Variants in ST8SIA1 observed in about 807,000 individuals in gnomAD.
ST8SIA1 encodes ST8 alpha-N-acetyl-neuraminide alpha-2,8-sialyltransferase 1, also known as alpha-N-acetylneuraminide alpha-2,8-sialyltransferase.
In ST8SIA1, 16 loss-of-function variants were observed where a neutral mutation model predicts 35.9. The ratio of observed to expected loss-of-function variants is 0.45; its 90% CI spans 0.30 to 0.68. The LOEUF (loss-of-function observed/expected upper bound fraction) is 0.68. Ranked by LOEUF, ST8SIA1 falls within the 30% of genes least tolerant of loss-of-function variation. The pLI is 0.09. For synonymous variants in ST8SIA1, 170 were observed against 169.6 expected, an observed-to-expected ratio of 1.00 and a Z score of -0.02; for missense variants, 383 against 453.6, an observed-to-expected ratio of 0.84 and a Z score of 1.41.
chr12:22,203,198 A>AGGG (rs1187894801), intron 4 of ST8SIA1, among the ~76,000 whole-genome samples: 1 of 152,136 alleles, frequency 6.6e-6, no homozygotes, highest in Non-Finnish European at 1.5e-5. Context: ...AAAAAGAGAG[A>AGGG]GAGAGAAAGA....
chr12:22,313,978 T>G (rs1866484413), intron 1 of ST8SIA1, among the ~76,000 whole-genome samples: 1 of 152,202 alleles, frequency 6.6e-6, no homozygotes, highest in African/African-American at 2.4e-5. Context: ...TTGGGTTTGT[T>G]GTAGGGTAAG....
intron 1 of ST8SIA1, among the ~76,000 whole-genome samples, chr12:22,322,379 T>A (rs1866613247): frequency 6.6e-6 from 1 of 152,192 alleles, no homozygotes; most frequent in South Asian, 2.1e-4. Flanking sequence ...ATAGAAGGCA[T>A]CGAATATATA....
chr12:22,271,854 G>A (rs1310710727), intron 2 of ST8SIA1, among the ~76,000 whole-genome samples: 1 of 152,090 alleles, frequency 6.6e-6, no homozygotes, highest in Non-Finnish European at 1.5e-5. Context: ...TACATATCAA[G>A]ATCCCCATGG....
intron 4 of ST8SIA1, among the ~76,000 whole-genome samples, chr12:22,239,802 C>T (rs1865519748): frequency 6.6e-6 from 1 of 152,158 alleles, no homozygotes; most frequent in African/African-American, 2.4e-5. Context: ...CTGTTGGAAG[C>T]CAGGGGCTGC....
chr12:22,265,224 A>C (rs1313832130), intron 2 of ST8SIA1, among the ~76,000 whole-genome samples: 1 of 152,218 alleles, frequency 6.6e-6, no homozygotes, highest in Non-Finnish European at 1.5e-5. Context: ...TTTTCTTTTC[A>C]TGATGGAAAG....
At chr12:22,324,784 A>G (rs1042423710) in intron 1 of ST8SIA1, 12 of 118,722 alleles carry the variant, frequency 1.0e-4, no homozygotes, top group African/African-American at 4.6e-4. Context: ...AAATCATTAA[A>G]GAAAAAAGTC....
At chr12:22,251,773 C>A (rs1049337802) in intron 3 of ST8SIA1, among the ~76,000 whole-genome samples, 1 of 152,194 alleles carries the variant, frequency 6.6e-6, no homozygotes, top group Admixed American at 6.5e-5. Flanking sequence ...TAAAAGAGAT[C>A]TGATCAGAGA....
intron 4 of ST8SIA1, among the ~76,000 whole-genome samples, chr12:22,246,284 G>T (rs2120742394): frequency 6.6e-6 from 1 of 152,270 alleles, no homozygotes; most frequent in South Asian, 2.1e-4. Flanking sequence ...TTGATTGCTT[G>T]CTTGGTGTGT....
chr12:22,289,632 C>A (rs541002004), intron 1 of ST8SIA1, among the ~76,000 whole-genome samples: 1 of 152,140 alleles, frequency 6.6e-6, no homozygotes, highest in Non-Finnish European at 1.5e-5. Flanking sequence ...ACTAGGGAAA[C>A]GGTGGGGCAG....
intron 2 of ST8SIA1, among the ~76,000 whole-genome samples, chr12:22,265,866 A>C (rs949691555): frequency 3.8e-4 from 58 of 152,214 alleles, no homozygotes; most frequent in African/African-American, 1.4e-3. Context: ...CTAAAACAAA[A>C]GCTAGTGCAA....
At chr12:22,229,009 G>T (rs987885031) in intron 4 of ST8SIA1, among the ~76,000 whole-genome samples, 1 of 137,312 alleles carries the variant, frequency 7.3e-6, no homozygotes, top group African/African-American at 2.8e-5. Context: ...AGCTGAGATC[G>T]CACCACTGCA....
intron 2 of ST8SIA1, among the ~76,000 whole-genome samples, chr12:22,283,082 G>A (rs1866056387): frequency 6.6e-6 from 1 of 152,138 alleles, no homozygotes; most frequent in Non-Finnish European, 1.5e-5. Context: ...CAAGAACGCT[G>A]CAGGTCCAGG....
intron 1 of ST8SIA1, among the ~76,000 whole-genome samples, chr12:22,303,460 GC>G (rs1866341335): frequency 6.6e-6 from 1 of 152,118 alleles, no homozygotes; most frequent in Non-Finnish European, 1.5e-5. Context: ...GATTTTTCCT[GC>G]TTCTAGGATG....
At chr12:22,206,556 G>A (rs556302666) in intron 4 of ST8SIA1, among the ~76,000 whole-genome samples, 39 of 152,138 alleles carry the variant, frequency 2.6e-4, no homozygotes, top group Non-Finnish European at 4.1e-4. Context: ...TGGAATTCTC[G>A]ACTCATACAA....
At chr12:22,232,173 G>T (rs1865428500) in intron 4 of ST8SIA1, among the ~76,000 whole-genome samples, 1 of 152,136 alleles carries the variant, frequency 6.6e-6, no homozygotes, top group Admixed American at 6.5e-5. Context: ...ACAAACCAGG[G>T]TATATGAAAG....
intron 1 of ST8SIA1, among the ~76,000 whole-genome samples, chr12:22,299,620 T>C (rs963570430): frequency 1.3e-5 from 2 of 152,300 alleles, no homozygotes; most frequent in African/African-American, 2.4e-5. Context: ...ATTATAATGG[T>C]CTTTCTAGAG....
At chr12:22,306,574 A>G (rs890217093) in intron 1 of ST8SIA1, among the ~76,000 whole-genome samples, 1 of 152,174 alleles carries the variant, frequency 6.6e-6, no homozygotes, top group African/African-American at 2.4e-5. Context: ...CTATTCAGTA[A>G]TCTGACATCA....
chr12:22,284,289 CTT>C (rs1356535895), intron 2 of ST8SIA1, among the ~76,000 whole-genome samples: 4 of 152,104 alleles, frequency 2.6e-5, no homozygotes, highest in Admixed American at 2.6e-4. Flanking sequence ...AAATGAGTGA[CTT>C]AGCATTATTT....
chr12:22,292,838 C>T (rs1284718069), intron 1 of ST8SIA1, among the ~76,000 whole-genome samples: 1 of 152,150 alleles, frequency 6.6e-6, no homozygotes, highest in Non-Finnish European at 1.5e-5. Context: ...GTACCCCAAA[C>T]CTCAGCATCG....
Sources: gnomAD v4.1 joint callset for allele counts (sites outside exome capture counted in the v4.1 genomes callset) on GRCh38, gnomAD v4.1.1 for gene constraint, MANE v1.5 for transcripts, NCBI Gene and HGNC (gene_info 2026-07-23, HGNC 2026-07-21) for gene names.